THSD7B: variants seen among roughly 807,000 people sequenced by gnomAD.
THSD7B encodes the protein thrombospondin type-1 domain-containing protein 7B.
Under a neutral mutation model 213.6 loss-of-function variants are expected in THSD7B, and 138 were observed. That is an observed-to-expected ratio of 0.65 (90% CI 0.56 to 0.74). The LOEUF (loss-of-function observed/expected upper bound fraction) is 0.74, where lower values mean the gene tolerates loss of function less well. Among genes scored for constraint, THSD7B ranks in the 30% least tolerant of loss-of-function variants. The pLI is 0.00. For synonymous variants in THSD7B, 742 were observed against 687.0 expected (o/e 1.08, Z -1.25); for missense variants, 1,931 against 1,991.5 (o/e 0.97, Z 0.58).
intron 26 of THSD7B, among the ~76,000 whole-genome samples, chr2:137,666,647 A>G (rs1175848176): frequency 6.6e-6 from 1 of 151,826 alleles, no homozygotes; most frequent in Non-Finnish European, 1.5e-5. Flanking sequence ...TCTTCCAGAA[A>G]TAAATGCAAT....
intron 12 of THSD7B, among the ~76,000 whole-genome samples, chr2:137,299,468 C>A (rs756796793): frequency 5.3e-5 from 6 of 112,444 alleles, no homozygotes; most frequent in Admixed American, 2.0e-4. Flanking sequence ...AATGTGAGGA[C>A]ATGAGATTTG....
rs774665294 is a variant in THSD7B, at chr2:137,057,048, T to C, written c.768T>C (p.Leu256=). Residue 256 remains leucine, a synonymous_variant, in exon 3 of 28, where the codon CTT becomes CTC. Coordinates refer to ENST00000409968, the MANE Select transcript of THSD7B (RefSeq NM_001316349.2). ...GPWSKCRLPH[L]KEINPSGRTV... ...GGAGTAAATGCAGACTGCCTCATCT[T>C]AAAGAAATTAATCCAAGCGGAAGAA... 1 of 1,613,918 alleles carries C rather than the reference T, an allele frequency of 6.2e-7. No homozygotes were observed. The highest frequency in any genetic ancestry group is 1.3e-5 in the African/African-American group (1 of 75,022).
intron 10 of THSD7B, among the ~76,000 whole-genome samples, chr2:137,248,839 TG>T (rs1419647141): frequency 1.3e-5 from 2 of 152,324 alleles, no homozygotes; most frequent in Admixed American, 1.3e-4. Context: ...AAATCTTTTT[TG>T]TTTCTTCTGT....
intron 7 of THSD7B, among the ~76,000 whole-genome samples, chr2:137,229,128 T>C (rs1316938985): frequency 6.6e-6 from 1 of 152,202 alleles, no homozygotes; most frequent in African/African-American, 2.4e-5. Flanking sequence ...AATGTTACTA[T>C]TTTTAACCCA....
chr2:136,941,663 A>T (rs1223935469), intron 2 of THSD7B, among the ~76,000 whole-genome samples: 1 of 152,156 alleles, frequency 6.6e-6, no homozygotes, highest in Non-Finnish European at 1.5e-5. Flanking sequence ...TCTTTTGAGA[A>T]GTGTCTGTTC....
chr2:136,833,297 G>A (rs1682786510), intron 1 of THSD7B, among the ~76,000 whole-genome samples: 1 of 41,420 alleles, frequency 2.4e-5, no homozygotes. Flanking sequence ...CCTGGGAGGT[G>A]GAGCTCGCAG....
intron 3 of THSD7B, among the ~76,000 whole-genome samples, chr2:137,085,401 T>C (rs1280588722): frequency 6.6e-6 from 1 of 151,888 alleles, no homozygotes; most frequent in Non-Finnish European, 1.5e-5. Flanking sequence ...AATGAGATAA[T>C]GTACAGAGAG....
At chr2:136,815,435 G>C (rs1682453693) in intron 1 of THSD7B, among the ~76,000 whole-genome samples, 1 of 152,116 alleles carries the variant, frequency 6.6e-6, no homozygotes, top group East Asian at 1.9e-4. Flanking sequence ...ACTATACCCA[G>C]ATCACCTATC....
intron 12 of THSD7B, among the ~76,000 whole-genome samples, chr2:137,358,013 C>A (rs2104930307): frequency 6.6e-6 from 1 of 152,336 alleles, no homozygotes; most frequent in Middle Eastern, 3.4e-3. Flanking sequence ...TCCTACCTTG[C>A]CTAACACTTT....
At chr2:137,303,337 G>T (rs898327531) in intron 12 of THSD7B, among the ~76,000 whole-genome samples, 9 of 152,054 alleles carry the variant, frequency 5.9e-5, no homozygotes, top group African/African-American at 2.2e-4. Context: ...TAAAATATAG[G>T]TTCATTTTGT....
intron 14 of THSD7B, among the ~76,000 whole-genome samples, chr2:137,415,262 C>T (rs559180980): frequency 8.1e-4 from 123 of 152,110 alleles, no homozygotes; most frequent in Non-Finnish European, 1.1e-3. Flanking sequence ...CCTCATCAAG[C>T]ATAATGTGTT....
intron 20 of THSD7B, among the ~76,000 whole-genome samples, chr2:137,636,708 G>A (rs577393239): frequency 4.7e-4 from 72 of 152,134 alleles, no homozygotes; most frequent in Non-Finnish European, 4.0e-4. Context: ...TTATTTTACA[G>A]AAAATTTATG....
At chr2:137,447,425 C>T (rs1687563852) in intron 14 of THSD7B, among the ~76,000 whole-genome samples, 1 of 152,098 alleles carries the variant, frequency 6.6e-6, no homozygotes, top group South Asian at 2.1e-4. Flanking sequence ...TTAATCCCAC[C>T]TAATTTCTAG....
At chr2:137,282,593 G>A (rs990731826) in intron 12 of THSD7B, among the ~76,000 whole-genome samples, 34 of 152,248 alleles carry the variant, frequency 2.2e-4, no homozygotes, top group African/African-American at 7.7e-4. Context: ...AAGGTGTAAG[G>A]AAGGGATCCA....
At chr2:136,831,524 T>G (rs1317437966) in intron 1 of THSD7B, among the ~76,000 whole-genome samples, 1 of 152,194 alleles carries the variant, frequency 6.6e-6, no homozygotes, top group East Asian at 1.9e-4. Context: ...GTACACACTA[T>G]TGTGTTTGAT....
chr2:137,453,655 A>C (rs1364922821), intron 15 of THSD7B, among the ~76,000 whole-genome samples: 1 of 152,086 alleles, frequency 6.6e-6, no homozygotes, highest in East Asian at 1.9e-4. Flanking sequence ...AGCAATTTTG[A>C]AATGTACAAT....
rs966819829 is a variant in THSD7B, at chr2:137,311,616, C to T, written c.2500+35590C>T. On this transcript the variant is annotated intron_variant, in intron 12 of 27. Transcript: ENST00000409968. ...AAAGGGAATACTTCCAGTTTTTGCC[C>T]ATTCACTATGATGTTGGCTGTGGGT... Among the ~76,000 whole-genome samples the T allele has an allele frequency of 2.0e-5, 3 of 152,204 alleles. No individual in the cohort carries two copies. In the South Asian group the frequency reaches 6.3e-4, roughly 32 times the overall value.
intron 7 of THSD7B, among the ~76,000 whole-genome samples, chr2:137,201,772 A>G (rs4954480): frequency 0.94 from 143,402 of 151,904 alleles, 67,776 homozygotes; most frequent in Middle Eastern, 0.98. Context: ...ACATCCCCTC[A>G]TTGGACTTGC....
chr2:136,867,703 A>T (rs1683366278), intron 1 of THSD7B, among the ~76,000 whole-genome samples: 1 of 152,172 alleles, frequency 6.6e-6, no homozygotes, highest in Admixed American at 6.5e-5. Context: ...CTTGCTAGAG[A>T]TATCTTTCAT....
Sources: allele counts gnomAD v4.1 joint callset (sites outside exome capture counted in the v4.1 genomes callset), GRCh38; gene constraint gnomAD v4.1.1; transcripts MANE v1.5; gene names NCBI Gene and HGNC (gene_info 2026-07-23, HGNC 2026-07-21).